The following SAMSN1 variants were observed in gnomAD, a reference collection of about 807,000 sequenced individuals.
SAMSN1 encodes the protein SAM domain-containing protein SAMSN-1.
In SAMSN1, 31 loss-of-function variants were observed where a neutral mutation model predicts 42.0. That is an observed-to-expected ratio of 0.74 (90% CI 0.55 to 1.00). SAMSN1 has a LOEUF of 1.00. Ranked by LOEUF, SAMSN1 falls within the 50% of genes least tolerant of loss-of-function variation. SAMSN1 has a pLI of 0.00. For synonymous variants in SAMSN1, 178 were observed against 151.9 expected (o/e 1.17, Z -1.26); for missense variants, 464 against 439.4 (o/e 1.06, Z -0.50).
upstream of SAMSN1, among the ~76,000 whole-genome samples, chr21:14,586,286 A>AAG (rs1568820560): frequency 2.7e-5 from 4 of 147,440 alleles, no homozygotes; most frequent in African/African-American, 1.0e-4. Context: ...AAAGAAAAAG[A>AAG]AAAAAAAAGA....
At chr21:14,521,376 G>C (rs1222231216) in intron 1 of SAMSN1, among the ~76,000 whole-genome samples, 155 bp from the exon 2 acceptor site, 3 of 152,202 alleles carry the variant, frequency 2.0e-5, no homozygotes, top group Non-Finnish European at 4.4e-5. Flanking sequence ...GGCTGTGAAG[G>C]TATACCTATT....
intron 2 of SAMSN1, among the ~76,000 whole-genome samples, chr21:14,625,034 T>A (rs940192316): frequency 2.0e-5 from 3 of 152,138 alleles, no homozygotes; most frequent in Non-Finnish European, 2.9e-5. Context: ...AACCACATGA[T>A]TACCTCAATA....
At chr21:14,521,107 A>G in intron 2 of SAMSN1, 43 bp downstream of exon 2, 1 of 1,187,592 alleles carries the variant, frequency 8.4e-7, no homozygotes, top group Non-Finnish European at 1.2e-6. Context: ...ATATTTCATA[A>G]TGTGTTTGCA....
intron 2 of SAMSN1, among the ~76,000 whole-genome samples, chr21:14,620,355 G>A (rs1477216877): frequency 1.3e-5 from 2 of 148,584 alleles, no homozygotes; most frequent in East Asian, 3.9e-4. Flanking sequence ...TTTCATAAGT[G>A]GTTAACAGTT....
intron 1 of SAMSN1, chr21:14,582,506 A>T (rs1981772670): frequency 1.1e-6 from 1 of 894,922 alleles, no homozygotes; most frequent in Non-Finnish European, 1.7e-6. Flanking sequence ...ACAAAGAAAT[A>T]GGTTAAAAAC....
At chr21:14,496,807 C>G (rs1986931257) in intron 7 of SAMSN1, among the ~76,000 whole-genome samples, 1 of 152,204 alleles carries the variant, frequency 6.6e-6, no homozygotes, top group Admixed American at 6.5e-5. Context: ...GAAATCAGTT[C>G]TGCTGATGTC....
chr21:14,527,122 C>G (rs1396760293), intron 1 of SAMSN1, among the ~76,000 whole-genome samples: 1 of 152,166 alleles, frequency 6.6e-6, no homozygotes, highest in Non-Finnish European at 1.5e-5. Context: ...AAGTTCTCAG[C>G]TCTTTTAAAT....
chr21:14,611,464 G>T (rs539731899), intron 4 of SAMSN1, among the ~76,000 whole-genome samples: 36 of 152,318 alleles, frequency 2.4e-4, no homozygotes, highest in African/African-American at 7.7e-4. Context: ...AACTCAGCAT[G>T]CTGTGTTGTT....
At chr21:14,509,108 C>T (rs2122967922) in intron 5 of SAMSN1, among the ~76,000 whole-genome samples, 1 of 147,516 alleles carries the variant, frequency 6.8e-6, no homozygotes, top group Non-Finnish European at 1.5e-5. Flanking sequence ...GAGCAAGACT[C>T]CATCAAAAAA....
chr21:14,534,696 T>C (rs1180372492), intron 1 of SAMSN1, among the ~76,000 whole-genome samples: 1 of 152,078 alleles, frequency 6.6e-6, no homozygotes, highest in Non-Finnish European at 1.5e-5. Flanking sequence ...TAAATGGACA[T>C]GTACTACCAG....
intron 2 of SAMSN1, chr21:14,619,778 A>C (rs1982951534): frequency 5.6e-6 from 1 of 180,062 alleles, no homozygotes; most frequent in South Asian, 1.2e-4. Context: ...AACTCAGAGA[A>C]AAGTGTATTT....
At chr21:14,533,816 C>T (rs1447257469) in intron 1 of SAMSN1, among the ~76,000 whole-genome samples, 2 of 152,198 alleles carry the variant, frequency 1.3e-5, no homozygotes, top group Admixed American at 1.3e-4. Flanking sequence ...TTGCTTGATT[C>T]ATGTGGTGGT....
chr21:14,539,698 C>T (rs556061386), intron 1 of SAMSN1, among the ~76,000 whole-genome samples: 4 of 152,130 alleles, frequency 2.6e-5, no homozygotes, highest in South Asian at 2.1e-4. Flanking sequence ...GAATCAATAT[C>T]GTGAAAATGG....
intron 1 of SAMSN1, among the ~76,000 whole-genome samples, chr21:14,531,015 C>G (rs1979235229): frequency 6.6e-6 from 1 of 151,740 alleles, no homozygotes; most frequent in African/African-American, 2.4e-5. Context: ...TTTAACTAGT[C>G]ACATCATTTT....
Position 14,562,922 on chromosome 21 carries a change from A to C in SAMSN1, c.261+19214T>G, listed in dbSNP as rs73163005. ...CAAATGACTTCTTTCTAATTTGGGT[A>C]GGTTGTATTCCAAGCTCTGATGTTC... On this transcript the variant is annotated intron_variant, in intron 2 of 8. Coordinates refer to the SAMSN1 transcript ENST00000285670. Among the ~76,000 whole-genome samples, 614 of 152,272 alleles carry C rather than the reference A, an allele frequency of 4.0e-3. 1 individual carries two copies. The highest frequency in any genetic ancestry group is 6.5e-3 in the Non-Finnish European group (445 of 67,988).
chr21:14,596,675 A>G (rs996488211), intron 6 of SAMSN1, among the ~76,000 whole-genome samples: 8 of 152,146 alleles, frequency 5.3e-5, no homozygotes, highest in Non-Finnish European at 1.0e-4. Context: ...TCATGGATAG[A>G]CCAAAGTGGC....
At chr21:14,552,256 G>A (rs1980622432) in intron 2 of SAMSN1, among the ~76,000 whole-genome samples, 1 of 152,030 alleles carries the variant, frequency 6.6e-6, no homozygotes, top group African/African-American at 2.4e-5. Flanking sequence ...ACAAAAATGG[G>A]TGTAGGTAAT....
chr21:14,560,705 G>T (rs972791532), intron 2 of SAMSN1, among the ~76,000 whole-genome samples: 2 of 152,182 alleles, frequency 1.3e-5, no homozygotes, highest in Non-Finnish European at 1.5e-5. Context: ...CCACATTTTA[G>T]TCAGTGCCTT....
chr21:14,640,963 C>T (rs1187747569), intron 2 of SAMSN1, among the ~76,000 whole-genome samples: 4 of 151,562 alleles, frequency 2.6e-5, no homozygotes, highest in South Asian at 4.2e-4. Context: ...AAATTTTAGT[C>T]GACTAGTTGG....
Sources: allele counts gnomAD v4.1 joint callset (sites outside exome capture counted in the v4.1 genomes callset), GRCh38; gene constraint gnomAD v4.1.1; transcripts MANE v1.5; gene names NCBI Gene and HGNC (gene_info 2026-07-23, HGNC 2026-07-21).